The following ITGB3BP variants were observed in gnomAD, a reference collection of about 807,000 sequenced individuals.
The protein encoded by ITGB3BP is centromere protein R.
Under a neutral mutation model 29.1 loss-of-function variants are expected in ITGB3BP, and 27 were observed. The ratio of observed to expected loss-of-function variants is 0.93; its 90% CI spans 0.68 to 1.28. The LOEUF (loss-of-function observed/expected upper bound fraction) is 1.28. ITGB3BP is among the 50% of genes most tolerant of loss of function. The probability of loss-of-function intolerance (pLI) is 0.00; values close to 1 mark genes in which losing one functional copy is unlikely to be tolerated. For missense variants in ITGB3BP, 192 were observed against 200.2 expected, an observed-to-expected ratio of 0.96 and a Z score of 0.25; for synonymous variants, 61 against 61.4, an observed-to-expected ratio of 0.99 and a Z score of 0.03.
intron 2 of ITGB3BP, among the ~76,000 whole-genome samples, chr1:63,505,503 C>G (rs1220331993): frequency 2.6e-5 from 4 of 152,080 alleles, no homozygotes; most frequent in African/African-American, 9.7e-5. Flanking sequence ...TTTTGTGTCT[C>G]TATTTCCTTC....
At chr1:63,481,213 G>T (rs1372798565) in intron 3 of ITGB3BP, among the ~76,000 whole-genome samples, 1 of 152,012 alleles carries the variant, frequency 6.6e-6, no homozygotes, top group East Asian at 1.9e-4. Flanking sequence ...TATTATAAGA[G>T]AACTAGTCAA....
Position 63,454,508 on chromosome 1 carries a change from C to T in ITGB3BP, c.334-35G>A, listed in dbSNP as rs371567433. On this transcript the variant is annotated intron_variant, in intron 5 of 8. Coordinates refer to ENST00000271002, the MANE Select transcript of ITGB3BP (RefSeq NM_014288.5). This position sits in a 1 kb window ranked among gnomAD's most constrained non-coding sequence, Gnocchi z 4.1. The stretch of plus-strand genomic sequence containing the variant: ...AGTCATCTTGAATGAGTTAAGTTCT[C>T]TACACACATGAGATTACTGACATGT... 2.3e-5 allele frequency: 24 copies of T among 1,024,634 alleles called. 1 individual carries two copies. The African/African-American group carries it at 2.9e-4, about 12-fold the overall frequency. 63.5% of individuals were successfully genotyped at this position (1,024,634 alleles called of 1,614,324 possible).
intron 2 of ITGB3BP, among the ~76,000 whole-genome samples, chr1:63,504,299 AT>A (rs1646017298): frequency 6.6e-6 from 1 of 151,784 alleles, no homozygotes; most frequent in Non-Finnish European, 1.5e-5. Flanking sequence ...TTCACTCATG[AT>A]TTGGCTCTGT....
At chr1:63,467,839 T>G (rs1478679701) in intron 4 of ITGB3BP, among the ~76,000 whole-genome samples, 1 of 152,170 alleles carries the variant, frequency 6.6e-6, no homozygotes, top group East Asian at 1.9e-4. Flanking sequence ...ATGTCAACAG[T>G]GCTGAGATTG....
chr1:63,467,455 T>G (rs9436236), intron 4 of ITGB3BP, among the ~76,000 whole-genome samples: 115 of 151,578 alleles, frequency 7.6e-4, no homozygotes, highest in African/African-American at 2.7e-3. Context: ...GCCCTAGTGA[T>G]CCTCCCACCT....
intron 8 of ITGB3BP, chr1:63,446,513 T>A (rs986669880): frequency 2.2e-5 from 7 of 315,638 alleles, no homozygotes; most frequent in African/African-American, 1.3e-4. Context: ...ATATGAAAGA[T>A]GCTTGATTAA....
At chr1:63,467,746 T>G (rs1395160362) in intron 4 of ITGB3BP, among the ~76,000 whole-genome samples, 1 of 152,182 alleles carries the variant, frequency 6.6e-6, no homozygotes, top group African/African-American at 2.4e-5. Flanking sequence ...TAACAACTTA[T>G]CTAATGGGTA....
chr1:63,477,093 G>A (rs527611976), intron 4 of ITGB3BP, among the ~76,000 whole-genome samples: 8 of 152,234 alleles, frequency 5.3e-5, no homozygotes, highest in East Asian at 1.9e-4. Context: ...GCAGCATGTC[G>A]AGGGAAAACA....
intron 2 of ITGB3BP, among the ~76,000 whole-genome samples, chr1:63,528,839 T>C (rs1646643649): frequency 6.6e-6 from 1 of 152,222 alleles, no homozygotes; most frequent in Non-Finnish European, 1.5e-5. Flanking sequence ...ATATGTACCA[T>C]GATTCAGTTA....
intron 4 of ITGB3BP, chr1:63,457,920 T>C (rs924954512): frequency 6.6e-6 from 1 of 152,150 alleles, no homozygotes; most frequent in African/African-American, 2.4e-5. Flanking sequence ...TAACCTTCTT[T>C]TTCATCGTAG....
intron 3 of ITGB3BP, among the ~76,000 whole-genome samples, chr1:63,482,021 C>T (rs938626959): frequency 6.6e-6 from 1 of 151,970 alleles, no homozygotes; most frequent in Non-Finnish European, 1.5e-5. Context: ...GCCTGTAATC[C>T]TAGCACTTTG....
chr1:63,501,496 G>A (rs998428619), intron 2 of ITGB3BP, among the ~76,000 whole-genome samples: 4 of 152,090 alleles, frequency 2.6e-5, no homozygotes, highest in Non-Finnish European at 4.4e-5. Flanking sequence ...TAGGTATGGG[G>A]TTTCCTTTTG....
At chr1:63,441,395 A>C (rs577078971) in intron 8 of ITGB3BP, among the ~76,000 whole-genome samples, 1 of 151,760 alleles carries the variant, frequency 6.6e-6, no homozygotes, top group African/African-American at 2.4e-5. Context: ...GTGCCACCAC[A>C]CCCAGCTAAT....
intron 3 of ITGB3BP, 79 bp downstream of exon 3, chr1:63,490,004 T>C: frequency 8.0e-7 from 1 of 1,253,126 alleles, no homozygotes; most frequent in Non-Finnish European, 1.1e-6. Context: ...GCAAGATCCA[T>C]ACATAATTAA....
chr1:63,453,051 GTTGGAATCC>G (rs1644884024), intron 7 of ITGB3BP, among the ~76,000 whole-genome samples: 1 of 152,182 alleles, frequency 6.6e-6, no homozygotes, highest in Admixed American at 6.5e-5. Context: ...CTGGTCTTTG[GTTGGAATCC>G]TTGCTCTGTT....
upstream of ITGB3BP, chr1:63,523,440 G>A (rs1040101748): frequency 1.3e-5 from 6 of 473,978 alleles, no homozygotes; most frequent in Non-Finnish European, 2.3e-5. Context: ...CTGTCTCTGT[G>A]CGCTCCGGAT....
At chr1:63,527,377 G>C (rs1646612094), upstream of ITGB3BP, among the ~76,000 whole-genome samples, 1 of 152,130 alleles carries the variant, frequency 6.6e-6, no homozygotes, top group Admixed American at 6.5e-5. Flanking sequence ...TTTTTAAAAA[G>C]GAGTAACATG....
intron 3 of ITGB3BP, among the ~76,000 whole-genome samples, chr1:63,486,023 T>C (rs757730751): frequency 7.9e-5 from 12 of 152,072 alleles, no homozygotes; most frequent in Non-Finnish European, 1.5e-4. Context: ...TATGGACCAT[T>C]CTCTGTATTT....
intron 7 of ITGB3BP, chr1:63,449,833 A>G (rs1354442615): frequency 1.3e-5 from 2 of 154,394 alleles, no homozygotes; most frequent in Admixed American, 1.3e-4. Context: ...AAAAAAATAT[A>G]TTGTTTAATG....
Sources: gnomAD v4.1 joint callset for allele counts (sites outside exome capture counted in the v4.1 genomes callset) on GRCh38, gnomAD v4.1.1 for gene constraint, Gnocchi (gnomAD v3.1) non-coding constraint, MANE v1.5 for transcripts, NCBI Gene and HGNC (gene_info 2026-07-23, HGNC 2026-07-21) for gene names.